The following RYR1 variants were observed in gnomAD, a reference collection of about 807,000 sequenced individuals.
RYR1 encodes central core disease of muscle.
RYR1 carries 342 observed loss-of-function variants against 583.5 expected under a neutral mutation model. That is an observed-to-expected ratio of 0.59 (90% CI 0.54 to 0.64). The LOEUF is 0.64. Among genes scored for constraint, RYR1 ranks in the 30% least tolerant of loss-of-function variants. RYR1 has a pLI of 0.00. For synonymous variants in RYR1, 2,791 were observed against 2,822.5 expected (o/e 0.99, Z 0.35); for missense variants, 6,032 against 6,917.2 (o/e 0.87, Z 4.54).
Position 38,565,861 on chromosome 19 carries a change from G to A in RYR1, c.13437+90G>A. On this transcript the variant is annotated intron_variant, in intron 91 of 105. Coordinates refer to ENST00000359596, the MANE Select transcript of RYR1 (RefSeq NM_000540.3). The surrounding 1 kb of genome is among the most constrained non-coding windows in gnomAD (Gnocchi z 4.7). ...CGGCTGGGTGGAGACACACACAGAG[G>A]AGAGAACTGGCTAGGGGGATGGGCA... 7.6e-7 allele frequency: 1 copy of A among 1,313,722 alleles called. No homozygotes were observed. The highest frequency in any genetic ancestry group is 1.6e-5 in the African/African-American group (1 of 64,514). 81.4% of individuals were successfully genotyped at this position (1,313,722 alleles called of 1,614,324 possible).
chr19:38,528,819 G>A (rs528613586), intron 75 of RYR1, 124 bp downstream of exon 75: 2 of 1,435,106 alleles, frequency 1.4e-6, no homozygotes, highest in Non-Finnish European at 1.9e-6. Flanking sequence ...CCAGCTCCTG[G>A]CTTGAGTAGA....
intron 82 of RYR1, among the ~76,000 whole-genome samples, 192 bp downstream of exon 82, chr19:38,536,262 A>G (rs1011329113): frequency 1.2e-4 from 1 of 8,122 alleles, no homozygotes; most frequent in African/African-American, 5.0e-4. Context: ...CTCCCTCCCC[A>G]TGTCCACCAC....
Position 38,490,109 on chromosome 19 carries a change from G to C in RYR1, c.5848G>C (p.Glu1950Gln), listed in dbSNP as rs759938588. The change falls in exon 36 of 106, where the codon GAG becomes CAG. Residue 1950 changes from glutamate (E) to glutamine (Q), a missense_variant. Coordinates refer to ENST00000359596, the MANE Select transcript of RYR1 (RefSeq NM_000540.3). ...CCTGCTGGAGTATTTCTGTGACCAA[G>C]AGCTGCAGCACCGTGTGGAGTCCCT... ...CHLLEYFCDQ[E>Q]LQHRVESLAA... is the part of the protein sequence containing the mutation. 9.3e-6 allele frequency: 15 copies of C among 1,614,178 alleles called. No individual in the cohort carries two copies. Among genetic ancestry groups the C allele is most frequent in the Non-Finnish European group, 1.2e-5 (14 of 1,180,054 alleles).
chr19:38,565,672 C>G lies in RYR1; in HGVS notation c.13338C>G (p.Phe4446Leu). Reference protein sequence around the residue: ...GAVAVTDGGPFRPEGAGGLGD... With the variant: ...GAVAVTDGGPLRPEGAGGLGD... The stretch of plus-strand genomic sequence containing the variant: ...TGGCCGTGACCGATGGGGGCCCCTT[C>G]CGGCCCGAAGGGGCTGGCGGTCTCG... Residue 4446 changes from phenylalanine (F) to leucine (L), a missense_variant, in exon 91 of 106, where the codon TTC (phenylalanine) becomes TTG (leucine). Phe to Leu is a conservative substitution (Grantham distance 22). Coordinates refer to ENST00000359596, the MANE Select transcript of RYR1 (RefSeq NM_000540.3). This position sits in a 1 kb window ranked among gnomAD's most constrained non-coding sequence, Gnocchi z 4.7. 2 of 1,394,642 alleles carry G rather than the reference C, an allele frequency of 1.4e-6. No homozygotes were observed. The highest frequency in any genetic ancestry group is 1.8e-6 in the Non-Finnish European group (2 of 1,084,608). The allele number at this position is 1,394,642 out of a possible 1,614,324, so 86.4% of individuals were successfully genotyped here.
chr19:38,442,956 G>T (rs552460612), intron 3 of RYR1, among the ~76,000 whole-genome samples: 1 of 152,152 alleles, frequency 6.6e-6, no homozygotes, highest in Non-Finnish European at 1.5e-5. Flanking sequence ...TGATCACCTG[G>T]CCCCATCACA....
chr19:38,548,129 A>G (rs1972510913), intron 88 of RYR1, 104 bp from the exon 89 acceptor site: 2 of 1,261,862 alleles, frequency 1.6e-6, no homozygotes, highest in South Asian at 2.5e-5. Context: ...CTGGCCAGGG[A>G]CACTCCAGCA....
chr19:38,448,278 A>T, intron 9 of RYR1, 77 bp from the exon 10 acceptor site: 2 of 1,497,862 alleles, frequency 1.3e-6, no homozygotes, highest in East Asian at 2.3e-5. Context: ...TAAAAAAAAG[A>T]AAAAGAAGAA....
At chr19:38,569,460 C>A (rs1973612865) in intron 93 of RYR1, among the ~76,000 whole-genome samples, 1 of 151,274 alleles carries the variant, frequency 6.6e-6, no homozygotes. Context: ...GAGGCTGAGG[C>A]GGGAGGATCA....
intron 39 of RYR1, 86 bp downstream of exon 39, chr19:38,494,711 T>G (rs1218894119): frequency 1.3e-6 from 2 of 1,544,776 alleles, no homozygotes; most frequent in Non-Finnish European, 1.8e-6. Flanking sequence ...CTTCCCCAAC[T>G]TCTGGCCCAT....
chr19:38,517,253 AG>A (rs1436590016), intron 65 of RYR1, 105 bp from the exon 66 acceptor site: 7 of 1,139,856 alleles, frequency 6.1e-6, no homozygotes, highest in Non-Finnish European at 8.8e-6. Flanking sequence ...AGACTGTTTA[AG>A]GGGGGTGGCA....
chr19:38,566,574 C>T (rs147725091), intron 91 of RYR1, among the ~76,000 whole-genome samples: 1,525 of 151,574 alleles, frequency 0.01, 23 homozygotes, highest in African/African-American at 0.035. Context: ...TGAAGTACAC[C>T]GTGGAGGAAG....
intron 54 of RYR1, 97 bp downstream of exon 54, chr19:38,506,043 G>A (rs1970432737): frequency 6.8e-7 from 1 of 1,480,576 alleles, no homozygotes; most frequent in Non-Finnish European, 9.2e-7. Context: ...GAGGAGAGGG[G>A]CCCAGGGAGG....
intron 1 of RYR1, among the ~76,000 whole-genome samples, chr19:38,439,913 T>G (rs1360458791): frequency 6.6e-6 from 1 of 152,154 alleles, no homozygotes; most frequent in African/African-American, 2.4e-5. Context: ...AGCAGTCTAT[T>G]ATTAAAACAA....
chr19:38,584,212 G>T (rs1248143985), intron 101 of RYR1, among the ~76,000 whole-genome samples: 1 of 147,492 alleles, frequency 6.8e-6, no homozygotes, highest in Non-Finnish European at 1.5e-5. Flanking sequence ...CCCCAGCCTC[G>T]ACCCTCTGCC....
At chr19:38,455,039 A>G (rs1967291350) in intron 13 of RYR1, among the ~76,000 whole-genome samples, 196 bp from the exon 14 acceptor site, 1 of 152,152 alleles carries the variant, frequency 6.6e-6, no homozygotes, top group Non-Finnish European at 1.5e-5. Context: ...AGAGAGGACA[A>G]GAATAGATAT....
rs189123511 is a variant in RYR1 at position 38,475,104 on chromosome 19, G to A, written c.4161-214G>A. Among the ~76,000 whole-genome samples the A allele has an allele frequency of 8.8e-4, 134 of 152,282 alleles. 1 individual carries two copies. Among genetic ancestry groups the A allele is most frequent in the African/African-American group, 3.0e-3 (123 of 41,556 alleles). ...GGGGACCTCCATATTCCCAGAAGGCGCCTTTAATTTGGGTAACTCAGCATC... is the reference window on the plus strand; with the variant it reads ...GGGGACCTCCATATTCCCAGAAGGCACCTTTAATTTGGGTAACTCAGCATC... On this transcript the variant is annotated intron_variant, in intron 28 of 105. Transcript: ENST00000359596.
intron 103 of RYR1, 38 bp from the exon 104 acceptor site, chr19:38,586,053 A>C (rs777231070): frequency 6.2e-7 from 1 of 1,614,070 alleles, no homozygotes; most frequent in South Asian, 1.1e-5. Flanking sequence ...TCAGGGGGTC[A>C]AGTGGGCCTC....
At position 38,496,330 on chromosome 19, in the gene RYR1, G is replaced by A. The variant is rs769661583; in HGVS notation, c.6663+1G>A. ...CGTCCTCGGGGGCGGCGAGTCCAAGGTGAGGGCCCAGGCAGGTGCTGGGGA... is the reference window on the plus strand; with the variant it reads ...CGTCCTCGGGGGCGGCGAGTCCAAGATGAGGGCCCAGGCAGGTGCTGGGGA... On this transcript the variant is annotated splice_donor_variant, in intron 40 of 105. Transcript: ENST00000359596. LOFTEE classifies it high-confidence loss of function. The surrounding 1 kb of genome is among the most constrained non-coding windows in gnomAD (Gnocchi z 4.8). The A allele has an allele frequency of 1.9e-6, 3 of 1,613,972 alleles. No individual in the cohort carries two copies. The highest frequency in any genetic ancestry group is 8.5e-7 in the Non-Finnish European group (1 of 1,180,032).
chr19:38,568,735 G>A (rs928779206), intron 93 of RYR1, among the ~76,000 whole-genome samples: 3 of 140,692 alleles, frequency 2.1e-5, no homozygotes, highest in Non-Finnish European at 1.5e-5. Context: ...CTGGGCGACA[G>A]AGTGAGACTC....
Sources: allele counts gnomAD v4.1 joint callset (sites outside exome capture counted in the v4.1 genomes callset), GRCh38; gene constraint gnomAD v4.1.1; non-coding constraint Gnocchi (gnomAD v3.1); transcripts MANE v1.5; gene names NCBI Gene and HGNC (gene_info 2026-07-23, HGNC 2026-07-21).